Variants in TRIO observed in about 807,000 individuals in gnomAD.
The protein encoded by TRIO is triple functional domain protein.
In TRIO, 58 loss-of-function variants were observed where a neutral mutation model predicts 351.9. That is an observed-to-expected ratio of 0.16 (90% CI 0.13 to 0.21). The LOEUF (loss-of-function observed/expected upper bound fraction) is 0.21, where lower values mean the gene tolerates loss of function less well. TRIO is among the 10% of genes least tolerant of loss of function. TRIO has a pLI of 1.00. For missense variants in TRIO, 3,201 were observed against 4,027.8 expected, an observed-to-expected ratio of 0.79 and a Z score of 5.56; for synonymous variants, 1,758 against 1,595.7, an observed-to-expected ratio of 1.10 and a Z score of -2.42.
chr5:14,359,071 G>T (rs1203909932), intron 12 of TRIO, among the ~76,000 whole-genome samples: 1 of 152,096 alleles, frequency 6.6e-6, no homozygotes, highest in Non-Finnish European at 1.5e-5. Flanking sequence ...AAGAAAAGTG[G>T]CTAAAAATAC....
chr5:14,166,770 T>A (rs1361936729), intron 1 of TRIO, among the ~76,000 whole-genome samples: 1 of 152,072 alleles, frequency 6.6e-6, no homozygotes, highest in East Asian at 1.9e-4. Flanking sequence ...TTTTATGGTG[T>A]AATGTCCTCT....
At chr5:14,206,397 A>G (rs1009771494) in intron 1 of TRIO, among the ~76,000 whole-genome samples, 1 of 151,902 alleles carries the variant, frequency 6.6e-6, no homozygotes, top group African/African-American at 2.4e-5. Flanking sequence ...ACGTCTTTTT[A>G]AAAAACTAAG....
intron 43 of TRIO, among the ~76,000 whole-genome samples, chr5:14,480,674 A>C (rs1279448271): frequency 6.6e-6 from 1 of 152,214 alleles, no homozygotes; most frequent in African/African-American, 2.4e-5. Context: ...AGGGACAAAG[A>C]GCTTGTCTTG....
intron 7 of TRIO, among the ~76,000 whole-genome samples, chr5:14,297,970 C>A (rs1737510761): frequency 6.6e-6 from 1 of 152,182 alleles, no homozygotes; most frequent in Non-Finnish European, 1.5e-5. Flanking sequence ...CACATTTCCC[C>A]TCGGCTAGTC....
intron 34 of TRIO, among the ~76,000 whole-genome samples, chr5:14,449,127 A>G (rs1239044028): frequency 1.3e-5 from 2 of 152,094 alleles, no homozygotes; most frequent in African/African-American, 4.8e-5. Context: ...CAACCTAGTG[A>G]TTTTTTATGA....
chr5:14,443,999 T>C (rs1204075098), intron 34 of TRIO, among the ~76,000 whole-genome samples: 1 of 152,144 alleles, frequency 6.6e-6, no homozygotes, highest in East Asian at 1.9e-4. Context: ...AAAAACATAA[T>C]CTGGTGACTC....
chr5:14,501,289 G>A (rs1757285269), intron 53 of TRIO, among the ~76,000 whole-genome samples: 2 of 152,186 alleles, frequency 1.3e-5, no homozygotes, highest in Non-Finnish European at 2.9e-5. Context: ...TTAAAGGGGT[G>A]CAAATGTGCC....
chr5:14,359,215 A>G, intron 12 of TRIO, 142 bp from the exon 13 acceptor site: 1 of 924,574 alleles, frequency 1.1e-6, no homozygotes, highest in Non-Finnish European at 1.6e-6. Flanking sequence ...GTTTTGCAGG[A>G]GAGCAGCCCG....
intron 1 of TRIO, among the ~76,000 whole-genome samples, chr5:14,179,896 A>C (rs990308789): frequency 2.0e-5 from 3 of 152,002 alleles, no homozygotes; most frequent in African/African-American, 7.2e-5. Flanking sequence ...GTTTGAGACC[A>C]GCCTGGCCAA....
chr5:14,384,801 A>AAATG (rs1746396211), intron 21 of TRIO, among the ~76,000 whole-genome samples: 1 of 152,234 alleles, frequency 6.6e-6, no homozygotes, highest in South Asian at 2.1e-4. Context: ...AAAACTTTAC[A>AAATG]CAAGACAGTC....
chr5:14,295,609 G>T (rs1047775644), intron 6 of TRIO, among the ~76,000 whole-genome samples: 2 of 152,138 alleles, frequency 1.3e-5, no homozygotes, highest in African/African-American at 2.4e-5. Context: ...CAGACCTGTC[G>T]GACTGGCTTT....
intron 11 of TRIO, among the ~76,000 whole-genome samples, chr5:14,343,783 G>A (rs1445738204): frequency 6.6e-6 from 1 of 152,198 alleles, no homozygotes; most frequent in African/African-American, 2.4e-5. Context: ...CAAATGCCCA[G>A]GAGTGCGTTT....
At chr5:14,301,128 T>A (rs1203917898) in intron 7 of TRIO, among the ~76,000 whole-genome samples, 3 of 152,168 alleles carry the variant, frequency 2.0e-5, no homozygotes, top group Non-Finnish European at 4.4e-5. Context: ...GAGTAAATGC[T>A]TAGGAAAAGC....
chr5:14,505,779 G>A (rs1226153408), intron 55 of TRIO, among the ~76,000 whole-genome samples: 2 of 152,184 alleles, frequency 1.3e-5, no homozygotes, highest in African/African-American at 4.8e-5. Flanking sequence ...ACCCATGGCT[G>A]CACAGCTAGA....
At chr5:14,197,985 A>G (rs1790880108) in intron 1 of TRIO, among the ~76,000 whole-genome samples, 1 of 152,198 alleles carries the variant, frequency 6.6e-6, no homozygotes, top group Non-Finnish European at 1.5e-5. Flanking sequence ...TCTATTCACT[A>G]TAAAAATATC....
At chr5:14,315,731 T>G (rs1053271467) in intron 8 of TRIO, among the ~76,000 whole-genome samples, 8 of 152,216 alleles carry the variant, frequency 5.3e-5, no homozygotes, top group African/African-American at 1.9e-4. Context: ...CTGGCGTAAT[T>G]AATTACTCAT....
At position 14,498,612 on chromosome 5, in the gene TRIO, CTCA is replaced by C; in HGVS notation, c.8307_8309del (p.Ser2771del). 1.2e-6 allele frequency: 2 copies of C among 1,614,062 alleles called. No homozygotes were observed. The highest frequency in any genetic ancestry group is 1.7e-6 in the Non-Finnish European group (2 of 1,179,876). On this transcript the variant is annotated inframe_deletion, in exon 53 of 57. Transcript: ENST00000344204. ...TCGCTGTCAATGACATGGGTTCAGCCTCATCGTCGGCCAGCCTGAGGGTCCTAG... is the reference window on the plus strand; with the variant it reads ...TCGCTGTCAATGACATGGGTTCAGCCTCGTCGGCCAGCCTGAGGGTCCTAG...
intron 1 of TRIO, among the ~76,000 whole-genome samples, chr5:14,150,420 T>C (rs1787759851): frequency 6.6e-6 from 1 of 152,024 alleles, no homozygotes; most frequent in Admixed American, 6.6e-5. Context: ...TTTACACACA[T>C]GCACACAACA....
chr5:14,399,169 C>T (rs538019799), intron 30 of TRIO, 99 bp downstream of exon 30: 1 of 1,135,082 alleles, frequency 8.8e-7, no homozygotes, highest in Admixed American at 1.9e-5. Flanking sequence ...TTTAACCTCC[C>T]AATCTGTCCT....
Sources: gnomAD v4.1 joint callset for allele counts (sites outside exome capture counted in the v4.1 genomes callset) on GRCh38, gnomAD v4.1.1 for gene constraint, MANE v1.5 for transcripts, NCBI Gene and HGNC (gene_info 2026-07-23, HGNC 2026-07-21) for gene names.